AGBL4: variants seen among roughly 807,000 people sequenced by gnomAD.
The protein encoded by AGBL4 is cytosolic carboxypeptidase 6.
In AGBL4, 58 loss-of-function variants were observed where a neutral mutation model predicts 66.4. The ratio of observed to expected loss-of-function variants is 0.87; its 90% CI spans 0.71 to 1.09. The LOEUF is 1.09. Ranked by LOEUF, AGBL4 falls within the 50% of genes least tolerant of loss-of-function variation. The pLI is 0.00. For missense variants in AGBL4, 579 were observed against 631.0 expected, an observed-to-expected ratio of 0.92 and a Z score of 0.88; for synonymous variants, 234 against 222.9, an observed-to-expected ratio of 1.05 and a Z score of -0.44.
At chr1:49,593,432 A>G (rs962664377) in intron 3 of AGBL4, among the ~76,000 whole-genome samples, 1 of 152,132 alleles carries the variant, frequency 6.6e-6, no homozygotes, top group Non-Finnish European at 1.5e-5. Flanking sequence ...AAATAAATAA[A>G]TAAAGGGTAA....
chr1:49,107,131 A>G (rs1053993469), intron 4 of AGBL4, among the ~76,000 whole-genome samples: 6 of 152,172 alleles, frequency 3.9e-5, no homozygotes, highest in Non-Finnish European at 8.8e-5. Flanking sequence ...GACAGTCTTC[A>G]ATTTATGATG....
intron 6 of AGBL4, among the ~76,000 whole-genome samples, chr1:48,820,505 C>T (rs1253326934): frequency 6.6e-6 from 1 of 152,100 alleles, no homozygotes. Context: ...TGTGGGTGGG[C>T]TTCATCCAAT....
At chr1:48,928,109 C>T (rs952354183) in intron 5 of AGBL4, among the ~76,000 whole-genome samples, 2 of 152,126 alleles carry the variant, frequency 1.3e-5, no homozygotes, top group Non-Finnish European at 2.9e-5. Flanking sequence ...CCAAGAATGC[C>T]ACCTCTCCTC....
At chr1:49,291,196 C>G (rs1387547338) in intron 3 of AGBL4, among the ~76,000 whole-genome samples, 1 of 152,110 alleles carries the variant, frequency 6.6e-6, no homozygotes, top group Non-Finnish European at 1.5e-5. Context: ...TAATTTAAAC[C>G]TTCTCTCAAG....
At chr1:49,596,733 A>T (rs562051067) in intron 3 of AGBL4, among the ~76,000 whole-genome samples, 11 of 152,344 alleles carry the variant, frequency 7.2e-5, no homozygotes, top group East Asian at 1.9e-4. Flanking sequence ...GCAAATGTTA[A>T]CAGATGTTCA....
intron 4 of AGBL4, among the ~76,000 whole-genome samples, chr1:49,158,302 T>A (rs1646473878): frequency 6.6e-6 from 1 of 152,048 alleles, no homozygotes; most frequent in Non-Finnish European, 1.5e-5. Flanking sequence ...CCAAAAGCAA[T>A]GGCAACAAAA....
chr1:49,399,253 C>T (rs1645034554), intron 3 of AGBL4, among the ~76,000 whole-genome samples: 1 of 152,136 alleles, frequency 6.6e-6, no homozygotes, highest in Non-Finnish European at 1.5e-5. Flanking sequence ...TGTTTATGGG[C>T]ATGTGGGTTG....
intron 5 of AGBL4, among the ~76,000 whole-genome samples, chr1:48,973,560 A>C (rs1659080613): frequency 6.6e-6 from 1 of 152,132 alleles, no homozygotes; most frequent in Admixed American, 6.6e-5. Context: ...CCACTGAAAG[A>C]AGGTGGGAAA....
chr1:49,124,865 G>A (rs913155774), intron 4 of AGBL4, among the ~76,000 whole-genome samples: 6 of 152,126 alleles, frequency 3.9e-5, no homozygotes, highest in African/African-American at 1.4e-4. Context: ...CAAAATAGTC[G>A]TACAAAATAA....
intron 4 of AGBL4, among the ~76,000 whole-genome samples, chr1:49,188,217 C>T (rs1403271635): frequency 6.6e-6 from 1 of 152,062 alleles, no homozygotes; most frequent in East Asian, 1.9e-4. Flanking sequence ...TTCATTTCTG[C>T]AGATGCTGCT....
At chr1:49,788,627 G>A (rs139360196) in intron 2 of AGBL4, among the ~76,000 whole-genome samples, 2 of 152,014 alleles carry the variant, frequency 1.3e-5, no homozygotes, top group African/African-American at 4.8e-5. Context: ...TTACAATGAT[G>A]GAAATTTAAA....
intron 1 of AGBL4, among the ~76,000 whole-genome samples, chr1:49,989,529 T>C (rs545175350): frequency 4.6e-5 from 7 of 152,324 alleles, no homozygotes; most frequent in Non-Finnish European, 1.0e-4. Flanking sequence ...AACTTATTTT[T>C]TTCTTCAAAA....
chr1:49,995,473 C>T (rs1660301049), intron 1 of AGBL4: 5 of 354,906 alleles, frequency 1.4e-5, no homozygotes, highest in South Asian at 8.6e-5. Context: ...AACCCCATAC[C>T]CCACAGGGGC....
At chr1:49,971,066 T>C (rs1379092734) in intron 1 of AGBL4, among the ~76,000 whole-genome samples, 4 of 152,194 alleles carry the variant, frequency 2.6e-5, no homozygotes, top group Admixed American at 2.6e-4. Flanking sequence ...TTAAATATAA[T>C]TGATAAAATT....
intron 6 of AGBL4, among the ~76,000 whole-genome samples, chr1:48,846,418 A>AAAGAAAGAAAGG (rs1646919006): frequency 7.0e-6 from 1 of 142,400 alleles, no homozygotes; most frequent in Non-Finnish European, 1.6e-5. Context: ...AGAAAGAAAG[A>AAAGAAAGAAAGG]AAGAAATTCA....
intron 8 of AGBL4, among the ~76,000 whole-genome samples, chr1:48,644,232 TG>T (rs1331091205): frequency 1.3e-5 from 2 of 152,210 alleles, no homozygotes; most frequent in Non-Finnish European, 2.9e-5. Flanking sequence ...ATTATTCCTT[TG>T]GTTTGGAACA....
At chr1:48,902,575 G>T (rs1408384878) in intron 5 of AGBL4, among the ~76,000 whole-genome samples, 1 of 152,094 alleles carries the variant, frequency 6.6e-6, no homozygotes, top group Admixed American at 6.5e-5. Context: ...TAGATTTTTG[G>T]ACTGCCTACT....
At chr1:49,181,400 C>T (rs144278690) in intron 4 of AGBL4, among the ~76,000 whole-genome samples, 16 of 152,312 alleles carry the variant, frequency 1.1e-4, no homozygotes, top group Non-Finnish European at 2.2e-4. Context: ...ACTTGATCAT[C>T]TACTGCAGCT....
At chr1:48,651,094 T>C (rs1452216195) in intron 8 of AGBL4, among the ~76,000 whole-genome samples, 2 of 152,196 alleles carry the variant, frequency 1.3e-5, no homozygotes, top group South Asian at 2.1e-4. Flanking sequence ...AGAATTCTCA[T>C]GATTGATAGG....
Sources: allele counts gnomAD v4.1 joint callset (sites outside exome capture counted in the v4.1 genomes callset), GRCh38; gene constraint gnomAD v4.1.1; transcripts MANE v1.5; gene names NCBI Gene and HGNC (gene_info 2026-07-23, HGNC 2026-07-21).